The following CSMD1 variants were observed in gnomAD, a reference collection of about 807,000 sequenced individuals.
CSMD1 encodes the protein CUB and sushi domain-containing protein 1.
A neutral mutation model predicts 417.5 loss-of-function variants in CSMD1; 213 were observed. That is an observed-to-expected ratio of 0.51 (90% CI 0.46 to 0.57). The LOEUF (loss-of-function observed/expected upper bound fraction) is 0.57, where lower values mean the gene tolerates loss of function less well. CSMD1 is among the 20% of genes least tolerant of loss of function. The pLI, the probability that CSMD1 is intolerant of heterozygous loss-of-function variation, is 0.00. For synonymous variants in CSMD1, 2,862 were observed against 1,736.8 expected (o/e 1.65, Z -16.11); for missense variants, 6,923 against 4,529.7 (o/e 1.53, Z -15.17).
intron 1 of CSMD1, among the ~76,000 whole-genome samples, chr8:4,850,423 A>G (rs1034356664): frequency 5.1e-5 from 7 of 138,296 alleles, no homozygotes; most frequent in Non-Finnish European, 9.4e-5. Flanking sequence ...CCTTTAGTAA[A>G]AAACATCTTT....
At chr8:3,260,276 C>T (rs1194816973) in intron 26 of CSMD1, among the ~76,000 whole-genome samples, 1 of 152,016 alleles carries the variant, frequency 6.6e-6, no homozygotes, top group East Asian at 1.9e-4. Flanking sequence ...GAGATCCTCG[C>T]CCAGAATAGA....
At chr8:3,810,003 C>G (rs991516844) in intron 5 of CSMD1, among the ~76,000 whole-genome samples, 1 of 152,200 alleles carries the variant, frequency 6.6e-6, no homozygotes, top group East Asian at 1.9e-4. Context: ...CCAGCTCTGA[C>G]TGCCACATGC....
rs548380352 is a variant in CSMD1, at chr8:4,945,787, C to T, written c.85+48545G>A. Among the ~76,000 whole-genome samples, 429 of 152,100 alleles carry T rather than the reference C, an allele frequency of 2.8e-3. 2 individuals carry two copies. Among genetic ancestry groups the T allele is most frequent in the African/African-American group, 8.3e-3 (344 of 41,492 alleles). On this transcript the variant is annotated intron_variant, in intron 1 of 69. Coordinates refer to ENST00000635120, the MANE Select transcript of CSMD1 (RefSeq NM_033225.6). Reference sequence around the variant, plus strand: ...GATGATGAATACTGGAGAATGGTGACGGATGAGGTTAAGTAGGCAGCAGAA... The same window carrying T: ...GATGATGAATACTGGAGAATGGTGATGGATGAGGTTAAGTAGGCAGCAGAA...
intron 50 of CSMD1, among the ~76,000 whole-genome samples, chr8:3,049,554 AG>A (rs1296570914): frequency 1.3e-5 from 2 of 152,124 alleles, no homozygotes; most frequent in Non-Finnish European, 1.5e-5. Flanking sequence ...TGAAAGATCA[AG>A]GTCAGTGTTT....
At chr8:4,014,998 A>G (rs558398202) in intron 4 of CSMD1, among the ~76,000 whole-genome samples, 1 of 152,360 alleles carries the variant, frequency 6.6e-6, no homozygotes, top group Non-Finnish European at 1.5e-5. Context: ...AAATATGCAA[A>G]CCACGTAGAC....
chr8:2,966,886 T>C lies in CSMD1; in HGVS notation c.8924-140A>G, dbSNP rs75641820. 1.9e-3 allele frequency: 1,343 copies of C among 695,982 alleles called. 11 individuals are homozygous for C. The highest frequency in any genetic ancestry group is 0.019 in the African/African-American group (1,041 of 56,206). The allele number at this position is 695,982 out of a possible 1,614,324, so 43.1% of individuals were successfully genotyped here. A position where few individuals can be genotyped will look rare whatever the true frequency, so the allele number is the denominator to read the frequency against. On this transcript the variant is annotated intron_variant, in intron 57 of 69. Coordinates refer to ENST00000635120, the MANE Select transcript of CSMD1 (RefSeq NM_033225.6). ...AAGCACACAATCCTATGGAAGTTCC[T>C]TAACATATGGCTTACTATGGCTCAT... is the stretch of plus-strand genomic sequence containing the variant.
intron 2 of CSMD1, among the ~76,000 whole-genome samples, chr8:4,459,852 C>A (rs1465401968): frequency 6.6e-6 from 1 of 152,152 alleles, no homozygotes; most frequent in East Asian, 1.9e-4. Context: ...CTAAAGCATG[C>A]CCCTACCAGA....
intron 5 of CSMD1, among the ~76,000 whole-genome samples, chr8:3,813,431 T>C (rs1215167308): frequency 6.6e-6 from 1 of 152,168 alleles, no homozygotes; most frequent in Admixed American, 6.6e-5. Context: ...AAAAGAACTA[T>C]TTTAATTAAG....
intron 4 of CSMD1, among the ~76,000 whole-genome samples, chr8:4,015,841 T>C (rs1389129831): frequency 1.3e-5 from 2 of 152,098 alleles, no homozygotes; most frequent in African/African-American, 4.8e-5. Context: ...AACTTCCCAA[T>C]AATGGTTCGT....
intron 3 of CSMD1, among the ~76,000 whole-genome samples, chr8:4,212,655 C>A (rs542751786): frequency 6.8e-6 from 1 of 147,762 alleles, no homozygotes; most frequent in East Asian, 2.1e-4. Context: ...CAGTAAAGTA[C>A]AATTTTTAAA....
intron 12 of CSMD1, among the ~76,000 whole-genome samples, chr8:3,437,208 G>A (rs7820363): frequency 0.63 from 95,395 of 151,988 alleles, 30,096 homozygotes; most frequent in East Asian, 0.76. Flanking sequence ...TAAAAATCCT[G>A]TCTGTTGCTC....
At chr8:3,687,195 C>A (rs950421105) in intron 7 of CSMD1, among the ~76,000 whole-genome samples, 1 of 152,358 alleles carries the variant, frequency 6.6e-6, no homozygotes, top group South Asian at 2.1e-4. Context: ...AGGAAGGCAA[C>A]CTTCCATCTT....
At chr8:3,040,194 T>C (rs542393795) in intron 50 of CSMD1, among the ~76,000 whole-genome samples, 8 of 152,190 alleles carry the variant, frequency 5.3e-5, no homozygotes, top group South Asian at 2.1e-4. Context: ...AAACTTTATG[T>C]TCTGTTTATT....
chr8:3,878,621 T>C (rs991793638), intron 5 of CSMD1, among the ~76,000 whole-genome samples: 5 of 152,252 alleles, frequency 3.3e-5, no homozygotes, highest in African/African-American at 1.2e-4. Context: ...GATCTATCTC[T>C]GTTTATTGAC....
chr8:3,289,118 T>A (rs564216692), intron 25 of CSMD1, among the ~76,000 whole-genome samples: 1 of 147,480 alleles, frequency 6.8e-6, no homozygotes, highest in South Asian at 2.1e-4. Context: ...AGAATGATGG[T>A]TTCCAGCTTC....
chr8:4,567,219 G>T (rs1433592010), intron 2 of CSMD1, among the ~76,000 whole-genome samples: 1 of 152,120 alleles, frequency 6.6e-6, no homozygotes, highest in African/African-American at 2.4e-5. Flanking sequence ...ATGAACAGTG[G>T]GGATTGAATA....
In CSMD1 at chr8:4,794,028, C is replaced by A. The variant is rs79053744; in HGVS notation, c.86-156470G>T. ...ATTTTAAAAGCAGTTTCTTATAAAA[C>A]TATCTTAGTGCTCTTGAAATAATTT... On this transcript the variant is annotated intron_variant, in intron 1 of 69. Coordinates refer to ENST00000635120, the MANE Select transcript of CSMD1 (RefSeq NM_033225.6). Among the ~76,000 whole-genome samples, 638 of 152,206 alleles carry A rather than the reference C, an allele frequency of 4.2e-3. 8 individuals are homozygous for A. Among genetic ancestry groups the A allele is most frequent in the African/African-American group, 0.015 (621 of 41,530 alleles).
In CSMD1 at chr8:2,999,996, T is replaced by C. The variant is rs1807256176; in HGVS notation, c.8165A>G (p.Gln2722Arg). The change falls in exon 53 of 70, where the codon CAA (glutamine) becomes CGA (arginine). Residue 2722 changes from glutamine (Q) to arginine (R), a missense_variant. Transcript: ENST00000635120. The part of the protein sequence containing the change: ...LVGTSVRICL[Q>R]DHKWSGQTPV... ...CGTTTGTCCAGACCACTTGTGGTCT[T>C]GCAGGCATATCCTCACGGAAGTTCC... 1 of 1,609,530 alleles carries C rather than the reference T, an allele frequency of 6.2e-7. No individual in the cohort carries two copies. Among genetic ancestry groups the C allele is most frequent in the Non-Finnish European group, 8.5e-7 (1 of 1,179,080 alleles).
At chr8:4,736,157 A>T (rs1289797924) in intron 1 of CSMD1, among the ~76,000 whole-genome samples, 1 of 152,102 alleles carries the variant, frequency 6.6e-6, no homozygotes, top group Admixed American at 6.5e-5. Context: ...CTGTCACCCT[A>T]ATGCTTTCAA....
Sources: allele counts gnomAD v4.1 joint callset (sites outside exome capture counted in the v4.1 genomes callset), GRCh38; gene constraint gnomAD v4.1.1; transcripts MANE v1.5; gene names NCBI Gene and HGNC (gene_info 2026-07-23, HGNC 2026-07-21).